The following KANK1 variants were observed in gnomAD, a reference collection of about 807,000 sequenced individuals.
The protein encoded by KANK1 is KN motif and ankyrin repeat domain-containing protein 1.
Under a neutral mutation model 106.2 loss-of-function variants are expected in KANK1, and 109 were observed. The ratio of observed to expected loss-of-function variants is 1.03; its 90% CI spans 0.88 to 1.20. KANK1 has a LOEUF of 1.20. Ranked by LOEUF, KANK1 falls within the 50% of genes most tolerant of loss-of-function variation. KANK1 has a pLI of 0.00. For synonymous variants in KANK1, 873 were observed against 652.2 expected, an observed-to-expected ratio of 1.34 and a Z score of -5.16; for missense variants, 2,399 against 1,710.7, an observed-to-expected ratio of 1.40 and a Z score of -7.10.
At chr9:508,376 A>G (rs945800581) in intron 1 of KANK1, among the ~76,000 whole-genome samples, 1 of 152,056 alleles carries the variant, frequency 6.6e-6, no homozygotes, top group African/African-American at 2.4e-5. Context: ...ACCTCAGGTG[A>G]TCCGCCTGCC....
chr9:496,606 T>G (rs2058462629), intron 3 of KANK1, among the ~76,000 whole-genome samples: 1 of 152,106 alleles, frequency 6.6e-6, no homozygotes. Context: ...ATGAAAGAAA[T>G]AAAATTATAT....
intron 1 of KANK1, among the ~76,000 whole-genome samples, chr9:632,464 A>G (rs1056275314): frequency 4.6e-5 from 7 of 152,212 alleles, no homozygotes; most frequent in Non-Finnish European, 8.8e-5. Flanking sequence ...GAGAGCATGG[A>G]AAAGATAATT....
chr9:618,636 C>A (rs150801403), intron 1 of KANK1, among the ~76,000 whole-genome samples: 7 of 152,284 alleles, frequency 4.6e-5, no homozygotes, highest in Non-Finnish European at 8.8e-5. Context: ...ATCTGAATCA[C>A]TGCTTCACAT....
intron 1 of KANK1, among the ~76,000 whole-genome samples, chr9:561,328 T>C (rs1816381657): frequency 6.6e-6 from 1 of 152,240 alleles, no homozygotes; most frequent in Non-Finnish European, 1.5e-5. Flanking sequence ...TGATAGAGCA[T>C]GTATATCTTA....
chr9:603,581 C>A (rs774752693), intron 1 of KANK1, among the ~76,000 whole-genome samples: 3 of 151,754 alleles, frequency 2.0e-5, no homozygotes, highest in Non-Finnish European at 4.4e-5. Context: ...TTTTTCCTTA[C>A]CTTTCCCTAG....
At chr9:636,849 G>A (rs1293576681) in intron 1 of KANK1, among the ~76,000 whole-genome samples, 7 of 152,154 alleles carry the variant, frequency 4.6e-5, no homozygotes, top group African/African-American at 1.4e-4. Flanking sequence ...AGGCGACAGC[G>A]CGAGACTCCG....
At chr9:473,863 C>A (rs2058060996) in intron 3 of KANK1, among the ~76,000 whole-genome samples, 1 of 152,152 alleles carries the variant, frequency 6.6e-6, no homozygotes, top group Non-Finnish European at 1.5e-5. Context: ...CCACACCTAG[C>A]TAATTTTTGT....
At chr9:741,014 G>A in intron 9 of KANK1, 80 bp downstream of exon 9, 1 of 1,508,484 alleles carries the variant, frequency 6.6e-7, no homozygotes, top group South Asian at 1.2e-5. Flanking sequence ...TGGCAGAGCA[G>A]GCATAGATGC....
chr9:722,362 T>G (rs1248078421), intron 3 of KANK1, among the ~76,000 whole-genome samples: 1 of 152,188 alleles, frequency 6.6e-6, no homozygotes, highest in Non-Finnish European at 1.5e-5. Context: ...TCTTGCTCTC[T>G]CTCTCTCATA....
In KANK1 at chr9:712,602, C is replaced by T; in HGVS notation, c.1836C>T (p.Asp612=). The change falls in exon 3 of 12, where the codon GAC becomes GAT. Residue 612 remains aspartate, a synonymous_variant. Coordinates refer to ENST00000382297, the MANE Select transcript of KANK1 (RefSeq NM_015158.5). ...TGSNTEESVN[D]LTLLKTNLNL... ...GCAACACAGAGGAGTCTGTGAACGA[C>T]CTCACACTCCTCAAGACAAACTTGA... 6.2e-7 allele frequency: 1 copy of T among 1,614,154 alleles called. No individual in the cohort carries two copies.
chr9:707,473 C>T (rs1307661963), intron 2 of KANK1, among the ~76,000 whole-genome samples: 1 of 151,946 alleles, frequency 6.6e-6, no homozygotes, highest in Non-Finnish European at 1.5e-5. Context: ...AATGGAGTTT[C>T]AGACAGTCCT....
intron 1 of KANK1, among the ~76,000 whole-genome samples, chr9:615,310 A>G (rs10975421): frequency 0.42 from 63,548 of 152,062 alleles, 15,701 homozygotes; most frequent in South Asian, 0.59. Context: ...TAATAGACAC[A>G]TAATTTGCTG....
chr9:628,752 C>A (rs1371121839), intron 1 of KANK1, among the ~76,000 whole-genome samples: 1 of 152,024 alleles, frequency 6.6e-6, no homozygotes, highest in Non-Finnish European at 1.5e-5. Context: ...CATTTGGTTC[C>A]CTGGATTCAA....
intron 1 of KANK1, among the ~76,000 whole-genome samples, chr9:662,766 A>C (rs1843635644): frequency 6.7e-6 from 1 of 149,756 alleles, no homozygotes; most frequent in African/African-American, 2.5e-5. Flanking sequence ...GGTTGAAGTG[A>C]TTCTCCTGCC....
chr9:721,493 C>T (rs1028772504), intron 3 of KANK1, among the ~76,000 whole-genome samples: 4 of 152,142 alleles, frequency 2.6e-5, no homozygotes, highest in Admixed American at 2.0e-4. Context: ...CATAATAAGA[C>T]TAAAACTTAT....
At chr9:624,461 CAATAA>C (rs1173225247) in intron 1 of KANK1, among the ~76,000 whole-genome samples, 1 of 151,944 alleles carries the variant, frequency 6.6e-6, no homozygotes, top group African/African-American at 2.4e-5. Context: ...AATTATTCCT[CAATAA>C]AATTAGGAAA....
intron 1 of KANK1, among the ~76,000 whole-genome samples, chr9:619,508 C>G (rs1249650960): frequency 1.3e-5 from 2 of 152,112 alleles, no homozygotes; most frequent in African/African-American, 2.4e-5. Flanking sequence ...GAAGAGCCAA[C>G]ATTAGTTCAG....
chr9:477,039 C>T (rs926893150), intron 3 of KANK1, among the ~76,000 whole-genome samples: 3 of 152,142 alleles, frequency 2.0e-5, no homozygotes, highest in Admixed American at 1.3e-4. Flanking sequence ...AGTTTAAAAG[C>T]ACATTTGTCT....
chr9:631,724 T>A (rs1253291009), intron 1 of KANK1, among the ~76,000 whole-genome samples: 1 of 152,184 alleles, frequency 6.6e-6, no homozygotes, highest in African/African-American at 2.4e-5. Flanking sequence ...TAGTCATCCA[T>A]CCCTTGCATA....
Sources: allele counts gnomAD v4.1 joint callset (sites outside exome capture counted in the v4.1 genomes callset), GRCh38; gene constraint gnomAD v4.1.1; transcripts MANE v1.5; gene names NCBI Gene and HGNC (gene_info 2026-07-23, HGNC 2026-07-21).